Variants in RANBP2 observed in about 807,000 individuals in gnomAD.
RANBP2 encodes the protein E3 SUMO-protein ligase RanBP2.
A neutral mutation model predicts 303.6 loss-of-function variants in RANBP2; 57 were observed. The observed-to-expected ratio is 0.19, with a 90% confidence interval of 0.15 to 0.23. The LOEUF is 0.23. Ranked by LOEUF, RANBP2 falls within the 10% of genes least tolerant of loss-of-function variation. The pLI is 1.00. For synonymous variants in RANBP2, 1,167 were observed against 1,301.5 expected, an observed-to-expected ratio of 0.90 and a Z score of 2.23; for missense variants, 3,138 against 3,780.8, an observed-to-expected ratio of 0.83 and a Z score of 4.46.
the RANBP2 span, among the ~76,000 whole-genome samples, chr2:109,393,760 G>A: frequency 1.3e-5 from 2 of 151,920 alleles, no homozygotes; most frequent in Non-Finnish European, 2.9e-5. Flanking sequence ...GGGCCCAGGG[G>A]GACACAACTA....
chr2:109,138,960 C>G, the RANBP2 span, among the ~76,000 whole-genome samples: 1 of 152,218 alleles, frequency 6.6e-6, no homozygotes, highest in African/African-American at 2.4e-5. Context: ...CAATAGGTAT[C>G]TCTTGACATG....
chr2:109,274,993 G>T, the RANBP2 span, among the ~76,000 whole-genome samples: 1 of 152,038 alleles, frequency 6.6e-6, no homozygotes, highest in Non-Finnish European at 1.5e-5. Flanking sequence ...ATCAATAAAA[G>T]AGCTAGTTCT....
the RANBP2 span, among the ~76,000 whole-genome samples, chr2:109,373,297 T>C: frequency 6.6e-6 from 1 of 152,242 alleles, no homozygotes; most frequent in African/African-American, 2.4e-5. Flanking sequence ...TCGGACATTT[T>C]TAGCTGGCCA....
the RANBP2 span, among the ~76,000 whole-genome samples, chr2:109,031,348 G>A: frequency 6.6e-6 from 1 of 152,178 alleles, no homozygotes; most frequent in Non-Finnish European, 1.5e-5. Context: ...GGAACGCTCT[G>A]CAGAAGGAGC....
the RANBP2 span, chr2:108,857,016 T>C: frequency 9.2e-7 from 1 of 1,085,486 alleles, no homozygotes. Context: ...GGATGATTTT[T>C]CTGTCTTTAT....
At chr2:109,485,316 C>T in the RANBP2 span, among the ~76,000 whole-genome samples, 1 of 152,242 alleles carries the variant, frequency 6.6e-6, no homozygotes. Flanking sequence ...GTCACATGTA[C>T]AGGTTTACTT....
At chr2:109,413,498 CTCTT>C in the RANBP2 span, among the ~76,000 whole-genome samples, 4 of 152,208 alleles carry the variant, frequency 2.6e-5, no homozygotes, top group Non-Finnish European at 5.9e-5. Context: ...GTCTGTCTGT[CTCTT>C]TCTATCTCTG....
chr2:108,906,478 C>A, the RANBP2 span: 4 of 1,105,024 alleles, frequency 3.6e-6, no homozygotes, highest in Non-Finnish European at 5.5e-6. Flanking sequence ...ACACCAGAGA[C>A]GCTGCACACA....
chr2:109,592,986 A>T, the RANBP2 span: 1 of 1,079,786 alleles, frequency 9.3e-7, no homozygotes, highest in Non-Finnish European at 1.3e-6. Context: ...CACTCCAAGT[A>T]GTTATTTTAA....
chr2:109,356,597 G>C, the RANBP2 span, among the ~76,000 whole-genome samples: 1 of 152,182 alleles, frequency 6.6e-6, no homozygotes, highest in African/African-American at 2.4e-5. Flanking sequence ...CTCAGCCAAA[G>C]GCCCATCCCA....
the RANBP2 span, among the ~76,000 whole-genome samples, chr2:109,459,710 G>C: frequency 8.5e-5 from 13 of 152,150 alleles, no homozygotes; most frequent in African/African-American, 3.1e-4. Flanking sequence ...TGGCAGTCTT[G>C]AATTCCAGCT....
At chr2:109,405,640 G>T in the RANBP2 span, among the ~76,000 whole-genome samples, 1 of 152,204 alleles carries the variant, frequency 6.6e-6, no homozygotes. Flanking sequence ...CTGTGCAGAA[G>T]GCTCCTGCCC....
the RANBP2 span, among the ~76,000 whole-genome samples, chr2:108,799,139 A>G: frequency 6.6e-6 from 1 of 152,162 alleles, no homozygotes. Flanking sequence ...CTTTGAATCT[A>G]GAGCACTCAA....
the RANBP2 span, among the ~76,000 whole-genome samples, chr2:109,424,963 G>A: frequency 6.6e-6 from 1 of 152,222 alleles, no homozygotes; most frequent in Non-Finnish European, 1.5e-5. Context: ...TGAAACTTGT[G>A]CCAAACAGTT....
chr2:108,955,862 T>TA, the RANBP2 span, among the ~76,000 whole-genome samples: 9 of 151,504 alleles, frequency 5.9e-5, no homozygotes, highest in African/African-American at 7.3e-5. Context: ...CTGTCTGTAC[T>TA]AAAAAAAATA....
At chr2:109,014,321 T>A in the RANBP2 span, among the ~76,000 whole-genome samples, 14 of 152,126 alleles carry the variant, frequency 9.2e-5, no homozygotes, top group Non-Finnish European at 1.3e-4. Flanking sequence ...AAAACCCAAT[T>A]TGAAAACCCT....
chr2:109,554,390 T>TATTC, the RANBP2 span, among the ~76,000 whole-genome samples: 1 of 152,224 alleles, frequency 6.6e-6, no homozygotes, highest in Non-Finnish European at 1.5e-5. Flanking sequence ...CAATAATATG[T>TATTC]ATTCATTCAT....
chr2:108,917,953 C>T, the RANBP2 span, among the ~76,000 whole-genome samples: 7 of 151,988 alleles, frequency 4.6e-5, no homozygotes, highest in African/African-American at 1.7e-4. Flanking sequence ...AAACAAGCAC[C>T]TACTCTGCAT....
the RANBP2 span, among the ~76,000 whole-genome samples, chr2:109,113,065 T>G: frequency 6.6e-6 from 1 of 152,118 alleles, no homozygotes; most frequent in Non-Finnish European, 1.5e-5. Context: ...AGTCAGGTAG[T>G]GTGATGCCTC....
Sources: allele counts gnomAD v4.1 joint callset (sites outside exome capture counted in the v4.1 genomes callset), GRCh38; gene constraint gnomAD v4.1.1; transcripts MANE v1.5; gene names NCBI Gene and HGNC (gene_info 2026-07-23, HGNC 2026-07-21).